TYW1: variants seen among roughly 807,000 people sequenced by gnomAD.
TYW1 encodes tRNA-yW synthesizing protein 1 homolog, also known as S-adenosyl-L-methionine-dependent tRNA 4-demethylwyosine synthase TYW1.
Under a neutral mutation model 96.2 loss-of-function variants are expected in TYW1, and 46 were observed. That is an observed-to-expected ratio of 0.48 (90% CI 0.38 to 0.61). The LOEUF (loss-of-function observed/expected upper bound fraction) is 0.61, where lower values mean the gene tolerates loss of function less well. Among genes scored for constraint, TYW1 ranks in the 20% least tolerant of loss-of-function variants. TYW1 has a pLI of 0.00. For missense variants in TYW1, 684 were observed against 909.6 expected (o/e 0.75, Z 3.19); for synonymous variants, 274 against 323.0 (o/e 0.85, Z 1.63).
chr7:67,200,829 G>A lies in TYW1; in HGVS notation c.1977+5492G>A, dbSNP rs1253273947. 2.0e-5 allele frequency among the ~76,000 whole-genome samples: 3 copies of A among 152,118 alleles called. No individual in the cohort carries two copies. In the East Asian group the frequency reaches 5.8e-4, roughly 29 times the overall value. ...GGCACCATTTAACTGGATCTTAAAT[G>A]ATGGCTGAAGTAGGAAAAACATTTA... On this transcript the variant is annotated intron_variant, in intron 15 of 15. Transcript: ENST00000359626.
intron 15 of TYW1, among the ~76,000 whole-genome samples, chr7:67,214,979 A>C (rs1018387361): frequency 7.9e-4 from 118 of 150,314 alleles, no homozygotes; most frequent in Non-Finnish European, 1.4e-3. Context: ...TAGTATCTTT[A>C]TCTCATTTTG....
intron 11 of TYW1, among the ~76,000 whole-genome samples, chr7:67,086,051 G>T (rs887791407): frequency 6.6e-6 from 1 of 151,818 alleles, no homozygotes; most frequent in Admixed American, 6.6e-5. Context: ...ACATATTTGT[G>T]TGTATCTGTA....
intron 7 of TYW1, among the ~76,000 whole-genome samples, chr7:67,026,949 A>C (rs1346542388): frequency 6.6e-6 from 1 of 152,142 alleles, no homozygotes; most frequent in African/African-American, 2.4e-5. Flanking sequence ...TAATCCCAGC[A>C]CTTTGGGAGG....
chr7:67,017,343 C>T (rs1794059850), intron 5 of TYW1, among the ~76,000 whole-genome samples: 1 of 152,126 alleles, frequency 6.6e-6, no homozygotes, highest in Non-Finnish European at 1.5e-5. Context: ...AGTTTTTGAA[C>T]TCTTAACTAT....
At chr7:67,027,199 CAAA>C (rs201232132) in intron 7 of TYW1, among the ~76,000 whole-genome samples, 1 of 117,314 alleles carries the variant, frequency 8.5e-6, no homozygotes. Context: ...GACCTTGTTT[CAAA>C]AAAAAAAAAA....
At chr7:67,081,899 A>G (rs1477506332) in intron 10 of TYW1, among the ~76,000 whole-genome samples, 1 of 143,792 alleles carries the variant, frequency 7.0e-6, no homozygotes, top group African/African-American at 2.6e-5. Context: ...TTGATCTAGT[A>G]TGTTGTTGAA....
At chr7:67,024,509 C>CT (rs1794383562) in intron 6 of TYW1, among the ~76,000 whole-genome samples, 1 of 152,038 alleles carries the variant, frequency 6.6e-6, no homozygotes, top group Non-Finnish European at 1.5e-5. Flanking sequence ...CAGCCGAGCA[C>CT]TGTCGTCACG....
chr7:67,159,367 C>T (rs1390072766), intron 13 of TYW1, among the ~76,000 whole-genome samples: 1 of 152,048 alleles, frequency 6.6e-6, no homozygotes, highest in African/African-American at 2.4e-5. Flanking sequence ...CCGAATTTGC[C>T]CTTTAGTAAG....
intron 13 of TYW1, among the ~76,000 whole-genome samples, chr7:67,126,447 A>C (rs1043586108): frequency 3.3e-5 from 5 of 152,018 alleles, no homozygotes. Context: ...ATCTCTTGGC[A>C]GTGTCTTCTG....
rs1562957473 is a variant in TYW1, at chr7:66,996,912, C to T, written c.-67C>T. 4 of 1,611,358 alleles carry T rather than the reference C, an allele frequency of 2.5e-6. No homozygotes were observed. The highest frequency in any genetic ancestry group is 3.4e-6 in the Non-Finnish European group (4 of 1,178,956). The stretch of plus-strand genomic sequence containing the variant: ...CGGCGAGGTAGCTCGGTGCGTCTCG[C>T]GGTACCAGTGCGAATCATCGGGCTA... On this transcript the variant is annotated 5_prime_UTR_variant, in exon 1 of 16. Transcript: ENST00000359626.
At chr7:67,116,150 A>T (rs187854022) in intron 12 of TYW1, among the ~76,000 whole-genome samples, 5 of 152,056 alleles carry the variant, frequency 3.3e-5, no homozygotes, top group Admixed American at 3.3e-4. Context: ...ACATAGTGAA[A>T]CCCCTTCTCT....
At chr7:67,051,640 G>A (rs1287091521) in intron 8 of TYW1, among the ~76,000 whole-genome samples, 1 of 151,296 alleles carries the variant, frequency 6.6e-6, no homozygotes, top group Non-Finnish European at 1.5e-5. Flanking sequence ...ACTATTTTCA[G>A]TACTCATGTA....
In TYW1 at chr7:66,996,937, A is replaced by C. The variant is rs376084852; in HGVS notation, c.-42A>C. ...CGGTACCAGTGCGAATCATCGGGCT[A>C]TCCAGGTCCGAGATCCTAGTCTCCT... On this transcript the variant is annotated 5_prime_UTR_variant, in exon 1 of 16. Coordinates refer to ENST00000359626, the MANE Select transcript of TYW1 (RefSeq NM_018264.4). 8.7e-6 allele frequency: 14 copies of C among 1,613,912 alleles called. No homozygotes were observed. The East Asian group carries it at 1.6e-4, about 18-fold the overall frequency.
chr7:67,181,634 G>A (rs1413438597), intron 13 of TYW1, among the ~76,000 whole-genome samples: 1 of 151,250 alleles, frequency 6.6e-6, no homozygotes, highest in African/African-American at 2.4e-5. Flanking sequence ...AGTATTTTGA[G>A]CATTGCTACT....
chr7:67,171,223 G>A (rs1410798655), intron 13 of TYW1, among the ~76,000 whole-genome samples: 2 of 151,958 alleles, frequency 1.3e-5, no homozygotes, highest in South Asian at 2.1e-4. Context: ...TTTTATTTGT[G>A]TGAGGTTAGT....
At chr7:67,137,081 G>A (rs1355032669) in intron 13 of TYW1, among the ~76,000 whole-genome samples, 1 of 149,910 alleles carries the variant, frequency 6.7e-6, no homozygotes, top group Non-Finnish European at 1.5e-5. Context: ...CCAAAGTTCT[G>A]GGATTACAGG....
chr7:67,079,171 GGTGTGTGTGT>G (rs55931505), intron 10 of TYW1, among the ~76,000 whole-genome samples: 1 of 148,794 alleles, frequency 6.7e-6, no homozygotes, highest in Admixed American at 6.7e-5. Context: ...TCGTGTGAGA[GGTGTGTGTGT>G]GTGTGTGTGT....
At chr7:67,223,421 C>T (rs1430644417) in intron 15 of TYW1, among the ~76,000 whole-genome samples, 1 of 152,100 alleles carries the variant, frequency 6.6e-6, no homozygotes, top group East Asian at 1.9e-4. Context: ...CTTTTCAGTT[C>T]TCTTTGAAGA....
At chr7:67,066,300 A>G (rs1280130953) in intron 9 of TYW1, among the ~76,000 whole-genome samples, 2 of 152,088 alleles carry the variant, frequency 1.3e-5, no homozygotes, top group Non-Finnish European at 2.9e-5. Context: ...TTTCACTTGT[A>G]CTGAAATCAA....
Sources: allele counts gnomAD v4.1 joint callset (sites outside exome capture counted in the v4.1 genomes callset), GRCh38; gene constraint gnomAD v4.1.1; transcripts MANE v1.5; gene names NCBI Gene and HGNC (gene_info 2026-07-23, HGNC 2026-07-21).